Variants in PLCB1 observed in about 807,000 individuals in gnomAD.
PLCB1 encodes 1-phosphatidylinositol 4,5-bisphosphate phosphodiesterase beta-1.
In PLCB1, 46 loss-of-function variants were observed where a neutral mutation model predicts 161.8. The ratio of observed to expected loss-of-function variants is 0.28; its 90% CI spans 0.22 to 0.36. PLCB1 has a LOEUF of 0.36. PLCB1 is among the 10% of genes least tolerant of loss of function. The probability of loss-of-function intolerance (pLI) is 1.00; values close to 1 mark genes in which losing one functional copy is unlikely to be tolerated. For missense variants in PLCB1, 1,016 were observed against 1,472.5 expected, an observed-to-expected ratio of 0.69 and a Z score of 5.07; for synonymous variants, 517 against 503.7, an observed-to-expected ratio of 1.03 and a Z score of -0.35.
chr20:8,271,634 T>C (rs564289046), intron 2 of PLCB1, among the ~76,000 whole-genome samples: 2 of 152,244 alleles, frequency 1.3e-5, no homozygotes, highest in African/African-American at 4.8e-5. Context: ...GCTTGATTTA[T>C]AAAATGTTTG....
At chr20:8,364,735 G>A (rs1331823855) in intron 2 of PLCB1, among the ~76,000 whole-genome samples, 1 of 152,134 alleles carries the variant, frequency 6.6e-6, no homozygotes, top group African/African-American at 2.4e-5. Context: ...CACACCAAGT[G>A]GTGAAACCCC....
chr20:8,777,511 G>C (rs1189325377), intron 27 of PLCB1, among the ~76,000 whole-genome samples: 1 of 152,004 alleles, frequency 6.6e-6, no homozygotes, highest in African/African-American at 2.4e-5. Flanking sequence ...CTGAGTTCAG[G>C]AGTTCAAGAC....
At chr20:8,733,659 G>A (rs929869421) in intron 19 of PLCB1, among the ~76,000 whole-genome samples, 1 of 150,906 alleles carries the variant, frequency 6.6e-6, no homozygotes, top group African/African-American at 2.5e-5. Flanking sequence ...GGAGCGGGGA[G>A]GGATAGCATT....
rs8183689 is a variant in PLCB1, at chr20:8,436,473, C to T, written c.246+65023C>T. On this transcript the variant is annotated intron_variant, in intron 3 of 31. Coordinates refer to ENST00000338037, the MANE Select transcript of PLCB1 (RefSeq NM_015192.4). Reference sequence around the variant, plus strand: ...AGACAACAAACACTTCAGGTTTATCCTTTTATGTTGTGACTATGTGGGAAG... The same window carrying T: ...AGACAACAAACACTTCAGGTTTATCTTTTTATGTTGTGACTATGTGGGAAG... Among the ~76,000 whole-genome samples, 98 of 150,310 alleles carry T rather than the reference C, an allele frequency of 6.5e-4. 2 individuals carry two copies. In the East Asian group the frequency reaches 0.017, roughly 26 times the overall value.
chr20:8,265,850 C>CT (rs999385927), intron 2 of PLCB1, among the ~76,000 whole-genome samples: 31 of 152,244 alleles, frequency 2.0e-4, no homozygotes, highest in African/African-American at 6.7e-4. Flanking sequence ...TTATTTTTAA[C>CT]TTTTTTTACC....
intron 7 of PLCB1, among the ~76,000 whole-genome samples, chr20:8,653,720 A>G (rs1307322271): frequency 1.3e-5 from 2 of 152,056 alleles, no homozygotes; most frequent in South Asian, 2.1e-4. Flanking sequence ...CAAGAAATAT[A>G]TAACGAAGAA....
chr20:8,262,993 C>T (rs1397785374), intron 2 of PLCB1, among the ~76,000 whole-genome samples: 1 of 152,164 alleles, frequency 6.6e-6, no homozygotes, highest in South Asian at 2.1e-4. Context: ...AATATAATCA[C>T]ATTGGGGATT....
intron 3 of PLCB1, among the ~76,000 whole-genome samples, chr20:8,436,133 G>A (rs973979118): frequency 6.6e-6 from 1 of 152,098 alleles, no homozygotes; most frequent in Non-Finnish European, 1.5e-5. Context: ...GAGGCCAGGA[G>A]TTCGAGACCA....
intron 31 of PLCB1, among the ~76,000 whole-genome samples, chr20:8,878,226 A>G (rs4816102): frequency 0.11 from 16,145 of 152,122 alleles, 1,463 homozygotes; most frequent in East Asian, 0.39. Context: ...GAGAACAACA[A>G]TCTGTTGTTT....
chr20:8,731,665 G>A (rs1475241976), intron 18 of PLCB1, among the ~76,000 whole-genome samples: 1 of 151,916 alleles, frequency 6.6e-6, no homozygotes, highest in African/African-American at 2.4e-5. Flanking sequence ...AATGTGATAA[G>A]TTATCTTAAT....
intron 3 of PLCB1, among the ~76,000 whole-genome samples, chr20:8,611,849 G>A (rs772625073): frequency 2.0e-4 from 30 of 152,218 alleles, no homozygotes; most frequent in Non-Finnish European, 3.4e-4. Context: ...GGGAGGCTGA[G>A]GCAGGAAGAT....
chr20:8,500,783 CTT>C (rs1483057478), intron 3 of PLCB1, among the ~76,000 whole-genome samples: 1 of 152,144 alleles, frequency 6.6e-6, no homozygotes, highest in African/African-American at 2.4e-5. Context: ...TAGAGTCACT[CTT>C]AATTATTTTT....
intron 2 of PLCB1, among the ~76,000 whole-genome samples, chr20:8,234,148 C>T (rs1334266419): frequency 6.6e-6 from 1 of 151,966 alleles, no homozygotes; most frequent in East Asian, 1.9e-4. Flanking sequence ...GGGAAAGAGA[C>T]GTATGCAATC....
intron 3 of PLCB1, among the ~76,000 whole-genome samples, chr20:8,447,947 T>A (rs911963032): frequency 6.6e-6 from 1 of 152,236 alleles, no homozygotes; most frequent in African/African-American, 2.4e-5. Flanking sequence ...TTTGCATTCA[T>A]GTTGTCCTCT....
At chr20:8,214,652 G>A (rs548577700) in intron 2 of PLCB1, among the ~76,000 whole-genome samples, 24 of 152,232 alleles carry the variant, frequency 1.6e-4, no homozygotes, top group Admixed American at 1.2e-3. Flanking sequence ...ACTGCATTTT[G>A]CAGACTTGCT....
At chr20:8,711,807 T>C (rs1431575038) in intron 12 of PLCB1, among the ~76,000 whole-genome samples, 2 of 152,158 alleles carry the variant, frequency 1.3e-5, no homozygotes, top group Non-Finnish European at 2.9e-5. Context: ...AGCAGCACTC[T>C]TTCCCACTAA....
intron 12 of PLCB1, among the ~76,000 whole-genome samples, chr20:8,710,502 CTTTTTTTTTTT>C (rs1177302486): frequency 1.4e-5 from 1 of 71,468 alleles, no homozygotes; most frequent in African/African-American, 5.4e-5. Flanking sequence ...CTTGAGGATG[CTTTTTTTTTTT>C]TTTTTTTTTT....
intron 2 of PLCB1, among the ~76,000 whole-genome samples, chr20:8,322,480 A>G (rs1223467082): frequency 6.6e-6 from 1 of 152,114 alleles, no homozygotes; most frequent in East Asian, 1.9e-4. Flanking sequence ...TTTTAAAAAA[A>G]ATCAGTAGGT....
At chr20:8,711,016 A>G (rs1978984453) in intron 12 of PLCB1, among the ~76,000 whole-genome samples, 1 of 152,312 alleles carries the variant, frequency 6.6e-6, no homozygotes, top group African/African-American at 2.4e-5. Flanking sequence ...TACATGCCTC[A>G]GCTCATGTAA....
Sources: gnomAD v4.1 joint callset for allele counts (sites outside exome capture counted in the v4.1 genomes callset) on GRCh38, gnomAD v4.1.1 for gene constraint, MANE v1.5 for transcripts, NCBI Gene and HGNC (gene_info 2026-07-23, HGNC 2026-07-21) for gene names.